The following MTX3 variants were observed in gnomAD, a reference collection of about 807,000 sequenced individuals.
MTX3 encodes metaxin 3.
A neutral mutation model predicts 42.5 loss-of-function variants in MTX3; 27 were observed. That is an observed-to-expected ratio of 0.64 (90% CI 0.47 to 0.88). MTX3 has a LOEUF of 0.88. Among genes scored for constraint, MTX3 ranks in the 40% least tolerant of loss-of-function variants. MTX3 has a pLI of 0.00. For synonymous variants in MTX3, 144 were observed against 132.9 expected (o/e 1.08, Z -0.57); for missense variants, 378 against 367.0 (o/e 1.03, Z -0.25).
In MTX3 at chr5:79,988,327, G is replaced by T. The variant is rs540754097; in HGVS notation, c.505-12C>A. 3.9e-6 allele frequency: 6 copies of T among 1,530,954 alleles called. No homozygotes were observed. The South Asian group carries it at 6.0e-5, about 15-fold the overall frequency. The allele number at this position is 1,530,954 out of a possible 1,614,324, so 94.8% of individuals were successfully genotyped here. A position where few individuals can be genotyped will look rare whatever the true frequency, so the allele number is the denominator to read the frequency against. On this transcript the variant is annotated splice_polypyrimidine_tract_variant and intron_variant, in intron 5 of 8. Coordinates refer to ENST00000512528, the MANE Select transcript of MTX3 (RefSeq NM_001363818.2). ...GCATCTCTGTATATCTAATAAGGAT[G>T]AAATTATATCTCAAAAGTAGAAAAG...
chr5:79,987,187 C>T, intron 6 of MTX3, 80 bp from the exon 7 acceptor site: 3 of 1,335,568 alleles, frequency 2.2e-6, no homozygotes, highest in Non-Finnish European at 3.2e-6. Context: ...TGCCTGTAAT[C>T]CCAGTACTTT....
chr5:79,986,002 C>T (rs1212971744), intron 7 of MTX3, among the ~76,000 whole-genome samples: 1 of 151,752 alleles, frequency 6.6e-6, no homozygotes, highest in African/African-American at 2.4e-5. Context: ...TTCTCACACC[C>T]ATTTCAAATA....
intron 3 of MTX3, among the ~76,000 whole-genome samples, chr5:79,989,520 G>A (rs534927558): frequency 2.0e-5 from 3 of 152,230 alleles, no homozygotes; most frequent in African/African-American, 7.2e-5. Context: ...ATGGCATGTA[G>A]TACAAACAAA....
Position 79,979,860 on chromosome 5 carries a change from T to G in MTX3, c.*3824A>C, listed in dbSNP as rs1354936740. 6.6e-6 allele frequency: 1 copy of G among 152,102 alleles called. No individual in the cohort carries two copies. Among genetic ancestry groups the G allele is most frequent in the Non-Finnish European group, 1.5e-5 (1 of 68,024 alleles). 9.4% of individuals were successfully genotyped at this position (152,102 alleles called of 1,614,324 possible). On this transcript the variant is annotated 3_prime_UTR_variant, in exon 9 of 9. Transcript: ENST00000512528. Reference sequence around the variant, plus strand: ...AATGAAATAAAAATTCTATTTAACTTCTATCATATATTTATTCAACTAAGT... The same window carrying G: ...AATGAAATAAAAATTCTATTTAACTGCTATCATATATTTATTCAACTAAGT...
rs1342683152 is a variant in MTX3 at position 79,982,467 on chromosome 5, A to G, written c.*1217T>C. On this transcript the variant is annotated 3_prime_UTR_variant, in exon 9 of 9. Transcript: ENST00000512528. ...GTAATCTTTTAAGACACTAATCAAA[A>G]ACATGGTTCTACATTTTAAAAACCT... 2.2e-6 allele frequency: 1 copy of G among 455,352 alleles called. No individual in the cohort carries two copies. Among genetic ancestry groups the G allele is most frequent in the South Asian group, 1.6e-5 (1 of 64,238 alleles). The allele number at this position is 455,352 out of a possible 1,614,324, so 28.2% of individuals were successfully genotyped here.
At chr5:79,985,545 G>T (rs772444413) in intron 8 of MTX3, 26 bp downstream of exon 8, 10 of 1,482,666 alleles carry the variant, frequency 6.7e-6, no homozygotes, top group South Asian at 1.1e-5. Context: ...ACTGAACTAT[G>T]ATAAAATGAT....
chr5:79,978,104 A>T lies in MTX3; in HGVS notation c.*5580T>A, dbSNP rs1324814041. 1 of 152,202 alleles carries T rather than the reference A, an allele frequency of 6.6e-6. No individual in the cohort carries two copies. Among genetic ancestry groups the T allele is most frequent in the Non-Finnish European group, 1.5e-5 (1 of 68,064 alleles). 9.4% of individuals were successfully genotyped at this position (152,202 alleles called of 1,614,324 possible). A position where few individuals can be genotyped will look rare whatever the true frequency, so the allele number is the denominator to read the frequency against. ...CTAAATAACCAACATATCTATGCCG[A>T]CAGCCATCCCTCTCTCAATGCCATG... On this transcript the variant is annotated 3_prime_UTR_variant, in exon 9 of 9. Transcript: ENST00000512528.
At chr5:79,986,421 TCTCA>T (rs1009357804) in intron 7 of MTX3, among the ~76,000 whole-genome samples, 2 of 152,206 alleles carry the variant, frequency 1.3e-5, no homozygotes, top group Non-Finnish European at 2.9e-5. Context: ...GGCTCCACTC[TCTCA>T]ATGAAGCACA....
rs190486414 is a variant in MTX3 at position 79,989,742 on chromosome 5, T to G, written c.228+418A>C. ...TACATAATTCTCTACTGTTAAAACA[T>G]TTAGATACATTATTCCATAAAACTG... On this transcript the variant is annotated intron_variant, in intron 3 of 8. Coordinates refer to ENST00000512528, the MANE Select transcript of MTX3 (RefSeq NM_001363818.2). 3.9e-5 allele frequency among the ~76,000 whole-genome samples: 6 copies of G among 152,346 alleles called. No individual in the cohort carries two copies. The East Asian group carries it at 1.2e-3, about 29-fold the overall frequency.
At position 79,983,168 on chromosome 5, in the gene MTX3, T is replaced by C. The variant is rs1306494292; in HGVS notation, c.*516A>G. 6.5e-6 allele frequency: 1 copy of C among 154,808 alleles called. No individual in the cohort carries two copies. Among genetic ancestry groups the C allele is most frequent in the Non-Finnish European group, 1.4e-5 (1 of 69,710 alleles). The allele number at this position is 154,808 out of a possible 1,614,324, so 9.6% of individuals were successfully genotyped here. A position where few individuals can be genotyped will look rare whatever the true frequency, so the allele number is the denominator to read the frequency against. On this transcript the variant is annotated 3_prime_UTR_variant, in exon 9 of 9. Coordinates refer to ENST00000512528, the MANE Select transcript of MTX3 (RefSeq NM_001363818.2). Reference sequence around the variant, plus strand: ...CACATTCCTCCTCACTTTTTAAAGTTAAATATGGTCTCTTCTACTGAAGCA... The same window carrying C: ...CACATTCCTCCTCACTTTTTAAAGTCAAATATGGTCTCTTCTACTGAAGCA...
Position 79,985,594 on chromosome 5 carries a change from T to C in MTX3, c.805A>G (p.Lys269Glu). The C allele has an allele frequency of 6.2e-7, 1 of 1,612,374 alleles. No homozygotes were observed. The highest frequency in any genetic ancestry group is 8.5e-7 in the Non-Finnish European group (1 of 1,178,610). ...ACCTTTTCAATCAAGTTGGATTCCT[T>C]ATTTACAAGTTGTGTGAGTTTCTGC... ...NLQKLTQLVN[K>E]ESNLIEKMDD... is the part of the protein sequence containing the mutation. The change falls in exon 8 of 9, where the codon AAG becomes GAG. Residue 269 changes from lysine to glutamate, a missense_variant. Transcript: ENST00000512528.
In MTX3 at chr5:79,991,141, C is replaced by T; in HGVS notation, c.81+17G>A. 4 of 1,545,814 alleles carry T rather than the reference C, an allele frequency of 2.6e-6. No homozygotes were observed. The highest frequency in any genetic ancestry group is 3.5e-6 in the Non-Finnish European group (4 of 1,143,886). ...CCGCCCCTTCCTCCTGCGCCCTGGC[C>T]CGCGAGGCGGCCTCACCATCACCAC... is the stretch of plus-strand genomic sequence containing the variant. On this transcript the variant is annotated intron_variant, in intron 1 of 8. Transcript: ENST00000512528.
rs1425584286 is a variant in MTX3, at chr5:79,981,844, T to C, written c.*1840A>G. 2.0e-5 allele frequency: 3 copies of C among 152,192 alleles called. No homozygotes were observed. Among genetic ancestry groups the C allele is most frequent in the Non-Finnish European group, 2.9e-5 (2 of 68,032 alleles). 9.4% of individuals were successfully genotyped at this position (152,192 alleles called of 1,614,324 possible). On this transcript the variant is annotated 3_prime_UTR_variant, in exon 9 of 9. Transcript: ENST00000512528. ...ACATGTAATATACTTGTAATATACATGTAATGTACTTGTACGTTATAACTG... is the reference window on the plus strand; with the variant it reads ...ACATGTAATATACTTGTAATATACACGTAATGTACTTGTACGTTATAACTG...
At chr5:79,990,479 C>T (rs1043674520) in intron 2 of MTX3, 115 bp downstream of exon 2, 15 of 749,754 alleles carry the variant, frequency 2.0e-5, no homozygotes, top group Admixed American at 1.6e-4. Context: ...CAACACAGAG[C>T]CAAGGTCACG....
In MTX3 at chr5:79,987,037, GAA is replaced by G. The variant is rs1446614008; in HGVS notation, c.650_651del (p.Val217AlafsTer17). 10 of 1,613,806 alleles carry G rather than the reference GAA, an allele frequency of 6.2e-6. No individual in the cohort carries two copies. On this transcript the variant is annotated frameshift_variant, in exon 7 of 9. Coordinates refer to ENST00000512528, the MANE Select transcript of MTX3 (RefSeq NM_001363818.2). LOFTEE classifies it high-confidence loss of function. Reference sequence around the variant, plus strand: ...AGCTGTTTCAGATGTTCTTGTAGCTGAACTTTAGGAAACCGTACTTTGTAAAG... The same window carrying G: ...AGCTGTTTCAGATGTTCTTGTAGCTGCTTTAGGAAACCGTACTTTGTAAAG... ...APLYKVRFPK[V>X]QLQEHLKQLS...
rs186807525 is a variant in MTX3, at chr5:79,985,130, C to T, written c.828+441G>A. Among the ~76,000 whole-genome samples the T allele has an allele frequency of 1.6e-3, 251 of 152,132 alleles. 10 individuals carry two copies. In the East Asian group the frequency reaches 0.046, roughly 28 times the overall value. ...CTGAGTAGCTGGGACTACAGGCGCC[C>T]GCCACCATGCCCGGCTAATTTTTTG... On this transcript the variant is annotated intron_variant, in intron 8 of 8. Coordinates refer to ENST00000512528, the MANE Select transcript of MTX3 (RefSeq NM_001363818.2).
intron 6 of MTX3, 119 bp from the exon 7 acceptor site, chr5:79,987,226 A>C: frequency 1.3e-6 from 1 of 773,830 alleles, no homozygotes; most frequent in Non-Finnish European, 2.0e-6. Context: ...AGATCACTTG[A>C]GGTCAGGAGT....
At chr5:79,990,503 T>C (rs1831616253) in intron 2 of MTX3, 91 bp downstream of exon 2, 2 of 858,796 alleles carry the variant, frequency 2.3e-6, no homozygotes, top group African/African-American at 1.7e-5. Context: ...AGAAACTAAA[T>C]CCTCAATATT....
intron 2 of MTX3, 92 bp from the exon 3 acceptor site, chr5:79,990,328 A>T (rs1831610277): frequency 1.1e-6 from 1 of 870,874 alleles, no homozygotes. Context: ...TTGCACATTT[A>T]GAGGGGAAAA....
Sources: gnomAD v4.1 joint callset for allele counts (sites outside exome capture counted in the v4.1 genomes callset) on GRCh38, gnomAD v4.1.1 for gene constraint, MANE v1.5 for transcripts, NCBI Gene and HGNC (gene_info 2026-07-23, HGNC 2026-07-21) for gene names.